The following GPM6A variants were observed in gnomAD, a reference collection of about 807,000 sequenced individuals.
GPM6A encodes neuronal membrane glycoprotein M6-a.
A neutral mutation model predicts 32.1 loss-of-function variants in GPM6A; 7 were observed. That is an observed-to-expected ratio of 0.22 (90% CI 0.12 to 0.41). The LOEUF is 0.41. Ranked by LOEUF, GPM6A falls within the 10% of genes least tolerant of loss-of-function variation. GPM6A has a pLI of 1.00. For missense variants in GPM6A, 235 were observed against 347.2 expected (o/e 0.68, Z 2.57); for synonymous variants, 130 against 123.4 (o/e 1.05, Z -0.35).
chr4:175,812,340 T>TTC, upstream of GPM6A: 1 of 1,282,174 alleles, frequency 7.8e-7, no homozygotes, highest in Non-Finnish European at 1.0e-6. Flanking sequence ...TTTTTTTTTT[T>TTC]CCTGGGAAGC....
intron 1 of GPM6A, among the ~76,000 whole-genome samples, chr4:175,985,111 T>G (rs1236904921): frequency 2.0e-5 from 3 of 152,334 alleles, no homozygotes; most frequent in East Asian, 3.9e-4. Context: ...AATTTTAGAA[T>G]CAGTTTGTAG....
At position 175,831,715 on chromosome 4, in the gene GPM6A, CT is replaced by C. The variant is rs780096379; in HGVS notation, c.-22-19467del. Among the ~76,000 whole-genome samples, 443 of 69,942 alleles carry C rather than the reference CT, an allele frequency of 6.3e-3. 5 individuals carry two copies. The highest frequency in any genetic ancestry group is 0.023 in the African/African-American group (411 of 17,848). The allele number at this position is 69,942 out of a possible 152,430, so 45.9% of individuals were successfully genotyped here. Reference sequence around the variant, plus strand: ...CTTGTTAAGGCCCATTTAGCCATCTCTTTTTTTTTTTTTTTTTTTTTTTGAC... The same window carrying C: ...CTTGTTAAGGCCCATTTAGCCATCTCTTTTTTTTTTTTTTTTTTTTTTGAC... On this transcript the variant is annotated intron_variant, in intron 1 of 7. Coordinates refer to the GPM6A transcript ENST00000280187.
intron 1 of GPM6A, among the ~76,000 whole-genome samples, chr4:175,702,395 C>T (rs1744929562): frequency 6.6e-6 from 1 of 152,194 alleles, no homozygotes; most frequent in East Asian, 1.9e-4. Context: ...AATTTCCCTA[C>T]TATGCTATCG....
At chr4:175,713,771 G>A (rs1270152756) in intron 1 of GPM6A, among the ~76,000 whole-genome samples, 3 of 152,194 alleles carry the variant, frequency 2.0e-5, no homozygotes, top group South Asian at 2.1e-4. Context: ...AATTCGCAGC[G>A]TTCAAAGGCA....
intron 2 of GPM6A, among the ~76,000 whole-genome samples, chr4:175,695,832 T>G (rs1424595830): frequency 6.6e-6 from 1 of 152,112 alleles, no homozygotes; most frequent in African/African-American, 2.4e-5. Flanking sequence ...TTGGATCTGG[T>G]CCCCACTCAA....
chr4:175,719,269 G>A (rs1745996737), intron 1 of GPM6A, among the ~76,000 whole-genome samples: 1 of 151,110 alleles, frequency 6.6e-6, no homozygotes, highest in Non-Finnish European at 1.5e-5. Flanking sequence ...CGCAATCTCA[G>A]TTCACTGCAA....
chr4:175,881,147 G>GA (rs1209903866), intron 1 of GPM6A, among the ~76,000 whole-genome samples: 1 of 151,934 alleles, frequency 6.6e-6, no homozygotes, highest in East Asian at 1.9e-4. Flanking sequence ...AAATTTACAA[G>GA]AAAAAAACAA....
intron 1 of GPM6A, among the ~76,000 whole-genome samples, chr4:175,833,713 A>G (rs1313132122): frequency 6.6e-6 from 1 of 152,138 alleles, no homozygotes; most frequent in Non-Finnish European, 1.5e-5. Flanking sequence ...AGAAACTGTG[A>G]TTCCTTGCAG....
chr4:175,820,005 T>C (rs1735224844), intron 1 of GPM6A, among the ~76,000 whole-genome samples: 1 of 152,294 alleles, frequency 6.6e-6, no homozygotes, highest in Middle Eastern at 3.4e-3. Flanking sequence ...AAAACTACTA[T>C]AGGGAGTTGA....
chr4:175,948,248 T>G (rs766891444), intron 1 of GPM6A, among the ~76,000 whole-genome samples: 14 of 152,214 alleles, frequency 9.2e-5, no homozygotes, highest in Non-Finnish European at 5.9e-5. Context: ...GTGATGGTAT[T>G]AAGAGGTGAG....
chr4:175,810,267 G>A (rs1023446828), intron 1 of GPM6A, among the ~76,000 whole-genome samples: 9 of 152,244 alleles, frequency 5.9e-5, no homozygotes, highest in East Asian at 3.9e-4. Context: ...TGTCATAGGC[G>A]TAATTGAGAG....
At chr4:175,860,675 G>A (rs145352838) in intron 1 of GPM6A, among the ~76,000 whole-genome samples, 43 of 152,148 alleles carry the variant, frequency 2.8e-4, no homozygotes, top group Admixed American at 9.8e-4. Context: ...TAGTTACTTC[G>A]GTGACAAGCA....
At chr4:175,980,771 A>G (rs1167751083) in intron 1 of GPM6A, among the ~76,000 whole-genome samples, 1 of 152,220 alleles carries the variant, frequency 6.6e-6, no homozygotes, top group Non-Finnish European at 1.5e-5. Context: ...GTCACTTCTC[A>G]AGAGTTAGGA....
chr4:175,961,399 GA>G (rs914908379), intron 1 of GPM6A: 2 of 152,172 alleles, frequency 1.3e-5, no homozygotes, highest in Non-Finnish European at 2.9e-5. Context: ...TTAGGTCCAT[GA>G]GAGAATTGAG....
intron 4 of GPM6A, among the ~76,000 whole-genome samples, chr4:175,648,017 A>G (rs1055387515): frequency 2.0e-5 from 3 of 152,202 alleles, no homozygotes; most frequent in Non-Finnish European, 2.9e-5. Context: ...AATATTGATA[A>G]ATATGTTGTA....
At chr4:175,687,180 A>T (rs1358582106) in intron 2 of GPM6A, among the ~76,000 whole-genome samples, 1 of 152,198 alleles carries the variant, frequency 6.6e-6, no homozygotes, top group African/African-American at 2.4e-5. Context: ...GCAGTAAATA[A>T]CACAGAATAT....
At chr4:175,841,396 C>T (rs1735930501) in intron 1 of GPM6A, among the ~76,000 whole-genome samples, 2 of 151,908 alleles carry the variant, frequency 1.3e-5, no homozygotes, top group African/African-American at 4.8e-5. Flanking sequence ...GAAATTGGAA[C>T]GTCCCCCACC....
chr4:175,733,134 C>A (rs139120348), intron 1 of GPM6A, among the ~76,000 whole-genome samples: 346 of 152,178 alleles, frequency 2.3e-3, no homozygotes, highest in Admixed American at 3.5e-3. Flanking sequence ...TTTTTAAAGA[C>A]AGTCCTTGTG....
At chr4:175,637,774 TC>T (rs1288854588) in intron 6 of GPM6A, among the ~76,000 whole-genome samples, 4 of 82,260 alleles carry the variant, frequency 4.9e-5, no homozygotes, top group East Asian at 6.9e-4. Context: ...AAATATATAA[TC>T]TATATATAAT....
Sources: allele counts gnomAD v4.1 joint callset (sites outside exome capture counted in the v4.1 genomes callset), GRCh38; gene constraint gnomAD v4.1.1; transcripts MANE v1.5; gene names NCBI Gene and HGNC (gene_info 2026-07-23, HGNC 2026-07-21).